Variants in PTPRD observed in about 807,000 individuals in gnomAD.
PTPRD encodes protein tyrosine phosphatase receptor type D, also known as receptor-type tyrosine-protein phosphatase delta.
A neutral mutation model predicts 214.5 loss-of-function variants in PTPRD; 34 were observed. The ratio of observed to expected loss-of-function variants is 0.16; its 90% confidence interval spans 0.12 to 0.21. PTPRD has a LOEUF of 0.21. PTPRD is among the 10% of genes least tolerant of loss of function. PTPRD has a pLI of 1.00. For synonymous variants in PTPRD, 1,128 were observed against 845.7 expected, an observed-to-expected ratio of 1.33 and a Z score of -5.79; for missense variants, 2,545 against 2,398.7, an observed-to-expected ratio of 1.06 and a Z score of -1.27.
intron 2 of PTPRD, among the ~76,000 whole-genome samples, chr9:10,479,407 G>T (rs932227958): frequency 2.0e-5 from 3 of 152,036 alleles, no homozygotes; most frequent in African/African-American, 7.2e-5. Context: ...AGCCCCTAGT[G>T]GTGGGGATGG....
At position 8,872,050 on chromosome 9, in the gene PTPRD, A is replaced by G. The variant is rs1369349477; in HGVS notation, c.-103-138104T>C. 9.2e-5 allele frequency among the ~76,000 whole-genome samples: 14 copies of G among 152,216 alleles called. 1 individual carries two copies. ...AAGCTATTGCTTCCCTTTCTCTCAT[A>G]GAACAAACAGCTCAAGACCCCTATA... On this transcript the variant is annotated intron_variant, in intron 11 of 45. Coordinates refer to ENST00000381196, the MANE Select transcript of PTPRD (RefSeq NM_002839.4).
At chr9:10,146,150 C>CATATAT (rs56191246) in intron 3 of PTPRD, among the ~76,000 whole-genome samples, 5,815 of 147,234 alleles carry the variant, frequency 0.039, 144 homozygotes, top group Middle Eastern at 0.078. Context: ...TGAAATCATC[C>CATATAT]ATATATATAT....
chr9:8,954,973 G>C (rs749428611), intron 11 of PTPRD, among the ~76,000 whole-genome samples: 12 of 151,844 alleles, frequency 7.9e-5, no homozygotes, highest in Non-Finnish European at 1.6e-4. Flanking sequence ...CTGTAGTCTT[G>C]TGAAATGTCT....
intron 4 of PTPRD, among the ~76,000 whole-genome samples, chr9:10,030,517 T>C (rs1170734960): frequency 6.6e-6 from 1 of 152,110 alleles, no homozygotes; most frequent in African/African-American, 2.4e-5. Flanking sequence ...AGATGAGTTC[T>C]ATCATGAAAG....
chr9:8,723,587 T>C (rs996815088), intron 12 of PTPRD, among the ~76,000 whole-genome samples: 6 of 152,212 alleles, frequency 3.9e-5, no homozygotes, highest in African/African-American at 1.4e-4. Flanking sequence ...GTATTATTAC[T>C]TTTAAATGAA....
At chr9:9,867,160 A>T (rs2064180861) in intron 5 of PTPRD, among the ~76,000 whole-genome samples, 1 of 152,152 alleles carries the variant, frequency 6.6e-6, no homozygotes, top group Admixed American at 6.6e-5. Context: ...TTTTCCCTAA[A>T]GCTTAACTGG....
At chr9:9,207,345 T>A (rs1375069132) in intron 9 of PTPRD, among the ~76,000 whole-genome samples, 1 of 152,082 alleles carries the variant, frequency 6.6e-6, no homozygotes, top group Non-Finnish European at 1.5e-5. Flanking sequence ...GAATTCGGGG[T>A]GCAGATGTTA....
chr9:10,192,785 G>A (rs760877327), intron 3 of PTPRD, among the ~76,000 whole-genome samples: 6 of 152,108 alleles, frequency 3.9e-5, no homozygotes, highest in South Asian at 2.1e-4. Flanking sequence ...ACAAAAATAA[G>A]CTTAGCCTGA....
intron 2 of PTPRD, among the ~76,000 whole-genome samples, chr9:10,378,822 T>C (rs941457183): frequency 1.3e-5 from 2 of 152,056 alleles, no homozygotes; most frequent in African/African-American, 2.4e-5. Context: ...TCCATATAAA[T>C]TGCAGAATTT....
chr9:8,332,488 G>A (rs1842453436), intron 43 of PTPRD, among the ~76,000 whole-genome samples: 1 of 152,124 alleles, frequency 6.6e-6, no homozygotes, highest in Admixed American at 6.6e-5. Context: ...CTCCCTGGCT[G>A]ACCACAGGAA....
chr9:10,029,395 G>A (rs1217005), intron 4 of PTPRD, among the ~76,000 whole-genome samples: 7,040 of 152,238 alleles, frequency 0.046, 601 homozygotes, highest in African/African-American at 0.16. Flanking sequence ...TGTGCACTTG[G>A]AAAAGCCACA....
chr9:10,115,881 T>G (rs886548968), intron 3 of PTPRD, among the ~76,000 whole-genome samples: 7 of 152,032 alleles, frequency 4.6e-5, no homozygotes, highest in Non-Finnish European at 1.0e-4. Context: ...CCCAAATAAA[T>G]ACATTCCTAA....
chr9:9,072,469 T>C (rs1310589219), intron 10 of PTPRD, among the ~76,000 whole-genome samples: 2 of 152,228 alleles, frequency 1.3e-5, no homozygotes, highest in Non-Finnish European at 2.9e-5. Context: ...CATCCTCTGC[T>C]ACTTCGTTCA....
rs76545525 is a variant in PTPRD, at chr9:8,768,682, T to A, written c.-103-34736A>T. Among the ~76,000 whole-genome samples the A allele has an allele frequency of 7.0e-3, 1,061 of 152,356 alleles. 14 individuals are homozygous for A. Among genetic ancestry groups the A allele is most frequent in the African/African-American group, 0.024 (1,018 of 41,582 alleles). On this transcript the variant is annotated intron_variant, in intron 11 of 45. Transcript: ENST00000381196. ...CACTACAGAAGACTACTGTTGTTAC[T>A]GTTTTATTTTTCCCATAAAACTTAC...
intron 44 of PTPRD, among the ~76,000 whole-genome samples, chr9:8,321,036 C>G (rs1448822685): frequency 6.6e-6 from 1 of 152,094 alleles, no homozygotes; most frequent in East Asian, 1.9e-4. Context: ...TTTCTACAGT[C>G]TAAACAGAAA....
intron 35 of PTPRD, among the ~76,000 whole-genome samples, chr9:8,419,867 C>T (rs747096206): frequency 2.4e-4 from 37 of 151,708 alleles, no homozygotes; most frequent in Non-Finnish European, 4.4e-4. Flanking sequence ...TTCCCTACAG[C>T]GGGTCCAAAA....
intron 8 of PTPRD, among the ~76,000 whole-genome samples, chr9:9,489,401 C>T (rs2095804869): frequency 6.6e-6 from 1 of 151,954 alleles, no homozygotes; most frequent in African/African-American, 2.4e-5. Context: ...ACAAAGGGAC[C>T]ATTCAAAAGA....
chr9:10,591,016 A>C lies in PTPRD; in HGVS notation c.-600+21382T>G, dbSNP rs185346520. ...CATAATTGACTTTTTTGTGGATAAA[A>C]ATGAGGTCATACCTTGAGGGAAGGA... On this transcript the variant is annotated intron_variant, in intron 2 of 45. Coordinates refer to ENST00000381196, the MANE Select transcript of PTPRD (RefSeq NM_002839.4). Among the ~76,000 whole-genome samples the C allele has an allele frequency of 1.6e-3, 243 of 152,064 alleles. 2 individuals carry two copies. The highest frequency in any genetic ancestry group is 5.7e-3 in the African/African-American group (236 of 41,536).
At chr9:9,475,121 T>C (rs1455379282) in intron 8 of PTPRD, among the ~76,000 whole-genome samples, 1 of 152,226 alleles carries the variant, frequency 6.6e-6, no homozygotes, top group Non-Finnish European at 1.5e-5. Context: ...GCAATGGTTC[T>C]CTTAACATAG....
Sources: allele counts gnomAD v4.1 joint callset (sites outside exome capture counted in the v4.1 genomes callset), GRCh38; gene constraint gnomAD v4.1.1; transcripts MANE v1.5; gene names NCBI Gene and HGNC (gene_info 2026-07-23, HGNC 2026-07-21).